Variants in MTMR3 observed in about 807,000 individuals in gnomAD.
The protein encoded by MTMR3 is myotubularin related protein 3.
A neutral mutation model predicts 132.4 loss-of-function variants in MTMR3; 32 were observed. The ratio of observed to expected loss-of-function variants is 0.24; its 90% CI spans 0.18 to 0.32. MTMR3 has a LOEUF of 0.32. MTMR3 is among the 10% of genes least tolerant of loss of function. The pLI, the probability that MTMR3 is intolerant of heterozygous loss-of-function variation, is 1.00. For missense variants in MTMR3, 1,216 were observed against 1,489.6 expected (o/e 0.82, Z 3.02); for synonymous variants, 556 against 550.3 (o/e 1.01, Z -0.14).
intron 1 of MTMR3, among the ~76,000 whole-genome samples, chr22:29,955,188 G>T (rs917229046): frequency 1.3e-5 from 2 of 152,082 alleles, no homozygotes; most frequent in African/African-American, 4.8e-5. Context: ...GTCTTCCCAT[G>T]TTGCCTGGAC....
At chr22:29,917,609 G>T (rs1191705822) in intron 1 of MTMR3, among the ~76,000 whole-genome samples, 1 of 152,182 alleles carries the variant, frequency 6.6e-6, no homozygotes, top group African/African-American at 2.4e-5. Flanking sequence ...CTTCTAATTT[G>T]AGCCTTTATT....
intron 5 of MTMR3, chr22:29,981,801 A>G (rs1418937293): frequency 6.8e-6 from 1 of 147,184 alleles, no homozygotes; most frequent in East Asian, 2.0e-4. Context: ...AGCCTGGATG[A>G]CAGAGGGAGA....
chr22:29,970,487 C>T (rs1197190959), intron 2 of MTMR3, among the ~76,000 whole-genome samples: 1 of 144,518 alleles, frequency 6.9e-6, no homozygotes, highest in African/African-American at 2.6e-5. Context: ...GCATGTGCTG[C>T]CATGACCAGC....
intron 1 of MTMR3, among the ~76,000 whole-genome samples, chr22:29,910,430 G>T (rs541339336): frequency 1.3e-5 from 2 of 152,248 alleles, no homozygotes; most frequent in South Asian, 4.2e-4. Flanking sequence ...GATTACTCCT[G>T]AAACAAAGTT....
intron 1 of MTMR3, among the ~76,000 whole-genome samples, chr22:29,917,299 C>T (rs2065327036): frequency 1.3e-5 from 2 of 152,168 alleles, no homozygotes. Flanking sequence ...CCCTTCACCT[C>T]CCCTGATAAC....
At chr22:29,984,126 G>GT (rs2066810111) in intron 5 of MTMR3, 1 of 151,954 alleles carries the variant, frequency 6.6e-6, no homozygotes, top group African/African-American at 2.4e-5. Context: ...GCCCTGATTA[G>GT]TTTTTAAATG....
chr22:30,030,369 C>T lies in MTMR3; in HGVS notation c.*4568C>T, dbSNP rs1601455291. On this transcript the variant is annotated 3_prime_UTR_variant, in exon 20 of 20. Coordinates refer to ENST00000401950, the MANE Select transcript of MTMR3 (RefSeq NM_021090.4). ...ATTTTTTTTTTTAATGAAAACATAA[C>T]CCATGAGGCTCAGATGCTGTTGAAG... 1 of 151,976 alleles carries T rather than the reference C, an allele frequency of 6.6e-6. No homozygotes were observed. The highest frequency in any genetic ancestry group is 6.6e-5 in the Admixed American group (1 of 15,240). The allele number at this position is 151,976 out of a possible 1,614,324, so 9.4% of individuals were successfully genotyped here. A position where few individuals can be genotyped will look rare whatever the true frequency, so the allele number is the denominator to read the frequency against.
chr22:29,942,581 C>T (rs559953460), intron 1 of MTMR3, among the ~76,000 whole-genome samples: 1 of 152,306 alleles, frequency 6.6e-6, no homozygotes, highest in East Asian at 1.9e-4. Context: ...TATTTCATCC[C>T]TCCGCTACGA....
At chr22:30,013,622 C>T in intron 14 of MTMR3, 81 bp downstream of exon 14, 1 of 1,292,580 alleles carries the variant, frequency 7.7e-7, no homozygotes, top group South Asian at 1.5e-5. Flanking sequence ...TCACATGAAA[C>T]TGTGCTGCCT....
chr22:29,949,821 G>A (rs1298420959), intron 1 of MTMR3, among the ~76,000 whole-genome samples: 2 of 152,070 alleles, frequency 1.3e-5, no homozygotes, highest in African/African-American at 2.4e-5. Context: ...ATGTTTAAGA[G>A]GGGCAGAAGT....
chr22:29,961,857 C>T lies in MTMR3; in HGVS notation c.-85+4769C>T, dbSNP rs968804121. On this transcript the variant is annotated intron_variant, in intron 2 of 19. Transcript: ENST00000401950. ...TTTTGTATCATTTTTACTGTATCTTCTCTGTTTATGTATGTTTAGATATAC... is the reference window on the plus strand; with the variant it reads ...TTTTGTATCATTTTTACTGTATCTTTTCTGTTTATGTATGTTTAGATATAC... Among the ~76,000 whole-genome samples the T allele has an allele frequency of 3.3e-5, 5 of 152,146 alleles. 1 individual carries two copies. Among genetic ancestry groups the T allele is most frequent in the Admixed American group, 3.3e-4 (5 of 15,282 alleles).
chr22:30,008,729 T>C (rs1422304159), intron 11 of MTMR3: 2 of 283,052 alleles, frequency 7.1e-6, no homozygotes, highest in Non-Finnish European at 1.3e-5. Flanking sequence ...AAAGCCAGAG[T>C]GAGATCGAAG....
Position 29,940,474 on chromosome 22 carries a change from A to G in MTMR3, c.-137-16562A>G, listed in dbSNP as rs542611981. ...GGTGAAACAAACAGCCTTGTTGCTC[A>G]CACAAAGCCTGTTTGGTGGACTCTC... On this transcript the variant is annotated intron_variant, in intron 1 of 19. Coordinates refer to ENST00000401950, the MANE Select transcript of MTMR3 (RefSeq NM_021090.4). Among the ~76,000 whole-genome samples, 12 of 150,094 alleles carry G rather than the reference A, an allele frequency of 8.0e-5. 4 individuals carry two copies. The highest frequency in any genetic ancestry group is 3.0e-4 in the African/African-American group (12 of 39,494).
chr22:29,976,120 GTTT>G (rs34984702), intron 3 of MTMR3, among the ~76,000 whole-genome samples: 6 of 141,924 alleles, frequency 4.2e-5, no homozygotes, highest in Non-Finnish European at 4.6e-5. Flanking sequence ...TATAGTGTGT[GTTT>G]TTTTTTTTTT....
intron 2 of MTMR3, among the ~76,000 whole-genome samples, chr22:29,963,726 T>C (rs1339281465): frequency 6.6e-6 from 1 of 152,132 alleles, no homozygotes; most frequent in Non-Finnish European, 1.5e-5. Flanking sequence ...TGCCATTGTT[T>C]AGATATGCCA....
At chr22:30,021,078 T>C in intron 17 of MTMR3, 194 bp downstream of exon 17, 1 of 624,602 alleles carries the variant, frequency 1.6e-6, no homozygotes, top group Non-Finnish European at 2.8e-6. Flanking sequence ...TCTGCTTCGC[T>C]TACTTTCTGC....
At chr22:29,957,415 GTATTTATTTATTTATTTATTTATT>G (rs59964116) in intron 2 of MTMR3, among the ~76,000 whole-genome samples, 44,127 of 147,030 alleles carry the variant, frequency 0.3, 7,749 homozygotes, top group East Asian at 0.61. Flanking sequence ...ATCTCCAGTT[GTATTTATTTATTTATTTATTTATT>G]TATTTATTTA....
intron 2 of MTMR3, among the ~76,000 whole-genome samples, chr22:29,966,726 CGTGT>C (rs55960706): frequency 0.14 from 19,301 of 142,576 alleles, 1,223 homozygotes; most frequent in Non-Finnish European, 0.16. Context: ...TAGGGGTGTG[CGTGT>C]GTGTGTGTGT....
At chr22:29,911,667 C>T (rs138284104) in intron 1 of MTMR3, among the ~76,000 whole-genome samples, 19 of 151,130 alleles carry the variant, frequency 1.3e-4, no homozygotes, top group African/African-American at 3.2e-4. Flanking sequence ...GGGCTTTCTA[C>T]GTATTTAAAA....
Sources: gnomAD v4.1 joint callset for allele counts (sites outside exome capture counted in the v4.1 genomes callset) on GRCh38, gnomAD v4.1.1 for gene constraint, MANE v1.5 for transcripts, NCBI Gene and HGNC (gene_info 2026-07-23, HGNC 2026-07-21) for gene names.